The following CCDC102B variants were observed in gnomAD, a reference collection of about 807,000 sequenced individuals.
CCDC102B encodes coiled-coil domain-containing protein 102B.
In CCDC102B, 75 loss-of-function variants were observed where a neutral mutation model predicts 57.4. The observed-to-expected ratio is 1.31, with a 90% CI of 1.08 to 1.58. The LOEUF is 1.58. CCDC102B is among the 40% of genes most tolerant of loss of function. The pLI, the probability that CCDC102B is intolerant of heterozygous loss-of-function variation, is 0.00. For synonymous variants in CCDC102B, 206 were observed against 201.9 expected (o/e 1.02, Z -0.17); for missense variants, 636 against 582.6 (o/e 1.09, Z -0.94).
intron 1 of CCDC102B, among the ~76,000 whole-genome samples, chr18:68,799,345 T>C (rs1351947462): frequency 6.6e-6 from 1 of 152,176 alleles, no homozygotes; most frequent in Admixed American, 6.6e-5. Flanking sequence ...AAATCATAGA[T>C]AATTTCATTG....
intron 6 of CCDC102B, among the ~76,000 whole-genome samples, chr18:68,921,254 A>G (rs903648479): frequency 3.3e-5 from 5 of 152,172 alleles, no homozygotes; most frequent in African/African-American, 1.2e-4. Flanking sequence ...AGGTAATTGA[A>G]TCACGGAGGC....
At chr18:69,040,812 G>A (rs1359937835) in intron 7 of CCDC102B, among the ~76,000 whole-genome samples, 1 of 151,994 alleles carries the variant, frequency 6.6e-6, no homozygotes, top group Non-Finnish European at 1.5e-5. Context: ...TAAAAAATCT[G>A]TTTCTGAGAG....
intron 6 of CCDC102B, among the ~76,000 whole-genome samples, chr18:68,989,227 A>C (rs902231862): frequency 2.0e-5 from 3 of 152,184 alleles, no homozygotes; most frequent in African/African-American, 7.2e-5. Context: ...ATTTTTTGTC[A>C]TTTAAAATAT....
chr18:68,965,614 TTATATA>T (rs752795587), intron 6 of CCDC102B, among the ~76,000 whole-genome samples: 1 of 150,636 alleles, frequency 6.6e-6, no homozygotes. Context: ...GTATAAAAAA[TTATATA>T]TATATATAAA....
chr18:68,733,502 A>T (rs1599383226), intron 2 of CCDC102B, among the ~76,000 whole-genome samples: 2 of 84,788 alleles, frequency 2.4e-5, no homozygotes, highest in African/African-American at 1.4e-4. Context: ...ATATATATAT[A>T]TATATTTTTT....
chr18:68,741,499 G>A (rs982583423), intron 2 of CCDC102B, among the ~76,000 whole-genome samples: 24 of 152,164 alleles, frequency 1.6e-4, no homozygotes, highest in African/African-American at 5.5e-4. Flanking sequence ...AAGAAACTGT[G>A]AATGTGCTGA....
intron 4 of CCDC102B, chr18:68,859,144 C>T (rs955217898): frequency 6.8e-6 from 1 of 147,636 alleles, no homozygotes; most frequent in Admixed American, 6.9e-5. Flanking sequence ...AGAAATAATG[C>T]CGCATATCTA....
intron 6 of CCDC102B, among the ~76,000 whole-genome samples, chr18:68,913,939 G>A (rs886531433): frequency 6.6e-6 from 1 of 152,100 alleles, no homozygotes; most frequent in Non-Finnish European, 1.5e-5. Context: ...TCCTATCTCT[G>A]CCAGATAGGG....
intron 6 of CCDC102B, among the ~76,000 whole-genome samples, chr18:68,958,244 C>T (rs913094265): frequency 1.3e-5 from 2 of 152,160 alleles, no homozygotes; most frequent in African/African-American, 4.8e-5. Context: ...TGGGTAGGGA[C>T]AGAGCCAAAC....
intron 4 of CCDC102B, among the ~76,000 whole-genome samples, chr18:68,857,747 G>A (rs2038545143): frequency 6.6e-6 from 1 of 151,918 alleles, no homozygotes; most frequent in African/African-American, 2.4e-5. Context: ...AAACTCCAAG[G>A]AAACTAGTGA....
rs535872575 is a variant in CCDC102B at position 68,779,090 on chromosome 18, C to T, written c.-66-44276C>T. Among the ~76,000 whole-genome samples the T allele has an allele frequency of 1.6e-4, 24 of 152,060 alleles. No individual in the cohort carries two copies. The Middle Eastern group carries it at 0.01, about 65-fold the overall frequency. On this transcript the variant is annotated intron_variant, in intron 2 of 3. Transcript: ENST00000578970. ...AACTGGACAGCCATCCTTTTTTCTA[C>T]GAGGTTGACAGATGTTCCCAAATAC...
chr18:68,860,564 T>C (rs2038705812), intron 4 of CCDC102B, among the ~76,000 whole-genome samples: 1 of 117,796 alleles, frequency 8.5e-6, no homozygotes, highest in Non-Finnish European at 1.9e-5. Context: ...CCTCCCTGCC[T>C]GTCCTCAAAT....
chr18:68,847,083 GAAT>G (rs1203140059), intron 4 of CCDC102B, among the ~76,000 whole-genome samples: 1 of 151,682 alleles, frequency 6.6e-6, no homozygotes, highest in Non-Finnish European at 1.5e-5. Flanking sequence ...GTGTGGGAAA[GAAT>G]AATGAGTAAA....
At chr18:68,874,210 G>GTATA (rs1161747169) in intron 4 of CCDC102B, among the ~76,000 whole-genome samples, 1 of 126,778 alleles carries the variant, frequency 7.9e-6, no homozygotes. Context: ...GTGTGTGTGT[G>GTATA]TGTATATATA....
At chr18:68,765,903 G>A (rs920393017) in intron 2 of CCDC102B, among the ~76,000 whole-genome samples, 1 of 151,938 alleles carries the variant, frequency 6.6e-6, no homozygotes, top group African/African-American at 2.4e-5. Flanking sequence ...ATGATTGCTA[G>A]TGAGATTTTC....
chr18:69,034,379 C>T (rs960827005), intron 7 of CCDC102B, among the ~76,000 whole-genome samples: 1 of 151,796 alleles, frequency 6.6e-6, no homozygotes, highest in East Asian at 1.9e-4. Context: ...TTCTGAGTTA[C>T]CTTTGGGGAA....
At chr18:69,010,184 C>T (rs1365289071) in intron 6 of CCDC102B, among the ~76,000 whole-genome samples, 50 of 149,320 alleles carry the variant, frequency 3.3e-4, no homozygotes, top group African/African-American at 1.2e-3. Flanking sequence ...CCTCGTGATC[C>T]GCCTGCCTCG....
chr18:68,863,484 A>G (rs1219947621), intron 4 of CCDC102B, among the ~76,000 whole-genome samples: 2 of 152,008 alleles, frequency 1.3e-5, no homozygotes, highest in Admixed American at 1.3e-4. Context: ...GCCTAGAACC[A>G]TAGATGAATC....
chr18:68,816,233 A>G (rs2036467398), intron 1 of CCDC102B, among the ~76,000 whole-genome samples: 1 of 152,226 alleles, frequency 6.6e-6, no homozygotes, highest in South Asian at 2.1e-4. Context: ...GTACAGAAAG[A>G]GAATTTCAAG....
Sources: allele counts gnomAD v4.1 joint callset (sites outside exome capture counted in the v4.1 genomes callset), GRCh38; gene constraint gnomAD v4.1.1; transcripts MANE v1.5; gene names NCBI Gene and HGNC (gene_info 2026-07-23, HGNC 2026-07-21).